PTPRD: variants seen among roughly 807,000 people sequenced by gnomAD.
PTPRD encodes protein tyrosine phosphatase receptor type D.
PTPRD carries 34 observed loss-of-function variants against 214.5 expected under a neutral mutation model. The ratio of observed to expected loss-of-function variants is 0.16; its 90% CI spans 0.12 to 0.21. The LOEUF (loss-of-function observed/expected upper bound fraction) is 0.21, where lower values mean the gene tolerates loss of function less well. Among genes scored for constraint, PTPRD ranks in the 10% least tolerant of loss-of-function variants. The pLI, the probability that PTPRD is intolerant of heterozygous loss-of-function variation, is 1.00. For synonymous variants in PTPRD, 1,128 were observed against 845.7 expected (o/e 1.33, Z -5.79); for missense variants, 2,545 against 2,398.7 (o/e 1.06, Z -1.27).
intron 8 of PTPRD, among the ~76,000 whole-genome samples, chr9:9,479,347 G>GCA (rs5896339): frequency 0.013 from 1,907 of 146,740 alleles, 34 homozygotes; most frequent in African/African-American, 0.04. Context: ...GAAAACTGAT[G>GCA]CACACACACA....
chr9:8,747,418 G>A (rs1300190405), intron 11 of PTPRD, among the ~76,000 whole-genome samples: 2 of 152,112 alleles, frequency 1.3e-5, no homozygotes, highest in Non-Finnish European at 2.9e-5. Context: ...GAAGCCATTA[G>A]GATATTACTA....
chr9:9,708,818 T>C (rs1004280131), intron 7 of PTPRD, among the ~76,000 whole-genome samples: 2 of 152,042 alleles, frequency 1.3e-5, no homozygotes, highest in African/African-American at 4.8e-5. Flanking sequence ...AAAAACGTGG[T>C]GTGTTTTCTA....
chr9:8,767,506 G>A (rs934232551), intron 11 of PTPRD, among the ~76,000 whole-genome samples: 3 of 152,090 alleles, frequency 2.0e-5, no homozygotes, highest in Non-Finnish European at 4.4e-5. Context: ...TACATTTGTT[G>A]CAGCATTTTT....
chr9:10,385,785 A>G (rs2097903400), intron 2 of PTPRD, among the ~76,000 whole-genome samples: 1 of 151,878 alleles, frequency 6.6e-6, no homozygotes, highest in South Asian at 2.1e-4. Flanking sequence ...AAAAGAAATG[A>G]ACATTATGAG....
At chr9:10,359,084 G>C (rs1326436368) in intron 2 of PTPRD, among the ~76,000 whole-genome samples, 1 of 151,874 alleles carries the variant, frequency 6.6e-6, no homozygotes, top group Non-Finnish European at 1.5e-5. Context: ...TGGAACAACG[G>C]TACCAATGCA....
intron 37 of PTPRD, among the ~76,000 whole-genome samples, chr9:8,377,528 A>C (rs1349198426): frequency 6.6e-6 from 1 of 152,104 alleles, no homozygotes; most frequent in Admixed American, 6.6e-5. Context: ...AAAAAGTATA[A>C]TGAAAAGTAA....
At chr9:9,380,710 G>A (rs1226823052) in intron 9 of PTPRD, among the ~76,000 whole-genome samples, 3 of 152,076 alleles carry the variant, frequency 2.0e-5, no homozygotes, top group East Asian at 1.9e-4. Flanking sequence ...GATGGATAGC[G>A]TTGTCAACAA....
intron 14 of PTPRD, among the ~76,000 whole-genome samples, chr9:8,615,926 CCA>C (rs1251717077): frequency 6.6e-6 from 1 of 152,028 alleles, no homozygotes; most frequent in Non-Finnish European, 1.5e-5. Flanking sequence ...TGTGCTACAG[CCA>C]CAGTCTTGAA....
chr9:10,043,465 T>C (rs1267889311), intron 3 of PTPRD, among the ~76,000 whole-genome samples: 4 of 151,826 alleles, frequency 2.6e-5, no homozygotes, highest in Non-Finnish European at 5.9e-5. Flanking sequence ...AGGAGTAAAA[T>C]CCTATAGCTT....
chr9:10,094,802 T>C (rs1208145791), intron 3 of PTPRD, among the ~76,000 whole-genome samples: 1 of 151,442 alleles, frequency 6.6e-6, no homozygotes, highest in African/African-American at 2.4e-5. Flanking sequence ...TTTCAAAAAA[T>C]GTTTTGACAA....
At chr9:9,804,078 A>C (rs1324777898) in intron 5 of PTPRD, among the ~76,000 whole-genome samples, 3 of 152,064 alleles carry the variant, frequency 2.0e-5, no homozygotes, top group Non-Finnish European at 2.9e-5. Context: ...CTTTTAATAC[A>C]CAAAGATTAT....
At chr9:10,056,384 CA>C (rs1355676235) in intron 3 of PTPRD, among the ~76,000 whole-genome samples, 3 of 147,496 alleles carry the variant, frequency 2.0e-5, no homozygotes, top group Non-Finnish European at 4.5e-5. Flanking sequence ...TCTTCAGGTG[CA>C]AAAAGTATCA....
At chr9:9,188,051 T>C (rs2099932748) in intron 9 of PTPRD, among the ~76,000 whole-genome samples, 1 of 152,094 alleles carries the variant, frequency 6.6e-6, no homozygotes, top group Non-Finnish European at 1.5e-5. Context: ...ACTTCATGCT[T>C]ACTCTCAAAC....
intron 21 of PTPRD, among the ~76,000 whole-genome samples, chr9:8,509,617 T>C (rs925325596): frequency 6.6e-6 from 1 of 152,224 alleles, no homozygotes; most frequent in Non-Finnish European, 1.5e-5. Context: ...TAAATTGACA[T>C]TGATTGAAAA....
intron 8 of PTPRD, among the ~76,000 whole-genome samples, chr9:9,463,882 A>G (rs1336294697): frequency 6.6e-6 from 1 of 152,066 alleles, no homozygotes; most frequent in Admixed American, 6.6e-5. Flanking sequence ...AGGCCTCCCA[A>G]ATAGTATCAA....
In PTPRD at chr9:9,801,453, T is replaced by C. The variant is rs527993991; in HGVS notation, c.-367-34602A>G. Reference sequence around the variant, plus strand: ...CCTTCTATAACCTGTTCTGAGTTTATAAAGCAAACAAATCTCACTGAGGCT... The same window carrying C: ...CCTTCTATAACCTGTTCTGAGTTTACAAAGCAAACAAATCTCACTGAGGCT... On this transcript the variant is annotated intron_variant, in intron 5 of 45. Transcript: ENST00000381196. 2.4e-4 allele frequency among the ~76,000 whole-genome samples: 37 copies of C among 152,198 alleles called. No individual in the cohort carries two copies. In the South Asian group the frequency reaches 7.3e-3, roughly 30 times the overall value.
intron 6 of PTPRD, among the ~76,000 whole-genome samples, chr9:9,748,497 GA>G (rs1446702190): frequency 2.0e-5 from 3 of 152,168 alleles, no homozygotes; most frequent in Non-Finnish European, 4.4e-5. Context: ...TTTGAAAACA[GA>G]AAAATAAACA....
chr9:10,375,087 G>C (rs1168432164), intron 2 of PTPRD, among the ~76,000 whole-genome samples: 1 of 151,850 alleles, frequency 6.6e-6, no homozygotes. Context: ...TAAATTGGCT[G>C]GATCAATAAG....
At chr9:10,225,478 G>A (rs2099585766) in intron 3 of PTPRD, among the ~76,000 whole-genome samples, 1 of 151,990 alleles carries the variant, frequency 6.6e-6, no homozygotes, top group Non-Finnish European at 1.5e-5. Flanking sequence ...AGATCATAGA[G>A]GGTGATATGA....
Sources: gnomAD v4.1 joint callset for allele counts (sites outside exome capture counted in the v4.1 genomes callset) on GRCh38, gnomAD v4.1.1 for gene constraint, MANE v1.5 for transcripts, NCBI Gene and HGNC (gene_info 2026-07-23, HGNC 2026-07-21) for gene names.